Variants in CERKL observed in about 807,000 individuals in gnomAD.
CERKL encodes CERK like autophagy regulator.
A neutral mutation model predicts 63.4 loss-of-function variants in CERKL; 61 were observed. That is an observed-to-expected ratio of 0.96 (90% CI 0.78 to 1.19). The LOEUF (loss-of-function observed/expected upper bound fraction) is 1.19. Ranked by LOEUF, CERKL falls within the 50% of genes most tolerant of loss-of-function variation. The probability of loss-of-function intolerance (pLI) is 0.00; values close to 1 mark genes in which losing one functional copy is unlikely to be tolerated. For synonymous variants in CERKL, 250 were observed against 230.5 expected, an observed-to-expected ratio of 1.08 and a Z score of -0.77; for missense variants, 675 against 655.5, an observed-to-expected ratio of 1.03 and a Z score of -0.33.
At chr2:181,640,362 C>G (rs1687365713) in intron 1 of CERKL, among the ~76,000 whole-genome samples, 1 of 152,170 alleles carries the variant, frequency 6.6e-6, no homozygotes, top group African/African-American at 2.4e-5. Context: ...TCAAAACTCA[C>G]CTGCTCAGCA....
At chr2:181,557,886 C>A (rs1230803131) in intron 5 of CERKL, among the ~76,000 whole-genome samples, 2 of 152,140 alleles carry the variant, frequency 1.3e-5, no homozygotes, top group African/African-American at 4.8e-5. Flanking sequence ...CTCACCTTTT[C>A]AGGCCAGCTC....
rs373597465 is a variant in CERKL, at chr2:181,547,819, C to G, written c.1159+3G>C. The stretch of plus-strand genomic sequence containing the variant: ...GTTCTCAAGGAGATACTTTTCGACT[C>G]ACCAGATTTGGGAGATCCCTGTGCC... On this transcript the variant is annotated splice_donor_region_variant and intron_variant, in intron 9 of 12. Transcript: ENST00000410087. 4 of 1,613,890 alleles carry G rather than the reference C, an allele frequency of 2.5e-6. No homozygotes were observed. Among genetic ancestry groups the G allele is most frequent in the South Asian group, 1.1e-5 (1 of 91,090 alleles).
intron 1 of CERKL, among the ~76,000 whole-genome samples, chr2:181,629,834 C>T (rs1159563507): frequency 6.6e-6 from 1 of 151,862 alleles, no homozygotes; most frequent in Non-Finnish European, 1.5e-5. Context: ...GTTGAGAAAA[C>T]CTACTTAAAA....
intron 1 of CERKL, among the ~76,000 whole-genome samples, chr2:181,642,423 ATTG>A (rs1381951301): frequency 1.3e-5 from 2 of 152,210 alleles, no homozygotes; most frequent in East Asian, 1.9e-4. Context: ...TTGTTTTGAA[ATTG>A]TTTTTTCTCA....
At chr2:181,555,850 T>G (rs1312333112) in intron 5 of CERKL, among the ~76,000 whole-genome samples, 1 of 151,506 alleles carries the variant, frequency 6.6e-6, no homozygotes, top group African/African-American at 2.4e-5. Flanking sequence ...CCTCCCAGGT[T>G]CAAGTTATTC....
At chr2:181,621,679 G>C (rs1686459646) in intron 1 of CERKL, among the ~76,000 whole-genome samples, 1 of 152,082 alleles carries the variant, frequency 6.6e-6, no homozygotes, top group African/African-American at 2.4e-5. Context: ...AGTTGAGAAA[G>C]TATTACCTGA....
At chr2:181,548,651 A>G in intron 7 of CERKL, 29 bp downstream of exon 7, 1 of 1,613,026 alleles carries the variant, frequency 6.2e-7, no homozygotes, top group Non-Finnish European at 8.5e-7. Context: ...AACCTGGGAT[A>G]CAATTTTTGG....
At chr2:181,582,521 A>G (rs1210396181) in intron 2 of CERKL, among the ~76,000 whole-genome samples, 2 of 93,064 alleles carry the variant, frequency 2.1e-5, no homozygotes, top group African/African-American at 1.1e-4. Context: ...GTCAACATAT[A>G]TATATATATA....
At chr2:181,587,223 G>C (rs182870839) in intron 2 of CERKL, among the ~76,000 whole-genome samples, 5 of 152,204 alleles carry the variant, frequency 3.3e-5, no homozygotes, top group East Asian at 1.9e-4. Context: ...TTTTAATGCC[G>C]TAAGTCAAAG....
At chr2:181,605,996 A>C (rs1442755362) in intron 1 of CERKL, among the ~76,000 whole-genome samples, 1 of 151,758 alleles carries the variant, frequency 6.6e-6, no homozygotes, top group African/African-American at 2.4e-5. Context: ...CAAAGTATAC[A>C]TACCACTAAA....
intron 3 of CERKL, 32 bp downstream of exon 3, chr2:181,573,721 G>A: frequency 6.3e-7 from 1 of 1,596,614 alleles, no homozygotes; most frequent in Non-Finnish European, 8.6e-7. Context: ...TGTTTTTGTA[G>A]ATGGTGAAAT....
Position 181,538,103 on chromosome 2 carries a change from G to A in CERKL, c.*81C>T, listed in dbSNP as rs569746967. The A allele has an allele frequency of 7.1e-5, 67 of 949,376 alleles. No homozygotes were observed. Among genetic ancestry groups the A allele is most frequent in the Non-Finnish European group, 1.0e-4 (61 of 585,846 alleles). The allele number at this position is 949,376 out of a possible 1,614,324, so 58.8% of individuals were successfully genotyped here. On this transcript the variant is annotated 3_prime_UTR_variant, in exon 13 of 13. Transcript: ENST00000410087. ...CATGAAACTGGTCCCAAAAAGGGTG[G>A]GGACCACAGGTTTAAAGCATGGCCA...
chr2:181,651,354 G>T (rs1479011324), intron 1 of CERKL, among the ~76,000 whole-genome samples: 1 of 152,104 alleles, frequency 6.6e-6, no homozygotes, highest in African/African-American at 2.4e-5. Flanking sequence ...TGGGATCAGA[G>T]GCATGCAAGA....
intron 1 of CERKL, among the ~76,000 whole-genome samples, chr2:181,620,931 A>G (rs3863936): frequency 0.99 from 151,281 of 152,340 alleles, 75,130 homozygotes; most frequent in Middle Eastern, 1. Flanking sequence ...AGACTTACTG[A>G]AGACAAAGGG....
intron 5 of CERKL, among the ~76,000 whole-genome samples, chr2:181,555,733 G>A (rs1688174182): frequency 6.6e-6 from 1 of 151,044 alleles, no homozygotes; most frequent in African/African-American, 2.4e-5. Flanking sequence ...ATGGCCCTAT[G>A]GGGATGGACA....
chr2:181,547,238 G>A (rs1687769441), intron 10 of CERKL, among the ~76,000 whole-genome samples: 1 of 152,134 alleles, frequency 6.6e-6, no homozygotes, highest in Non-Finnish European at 1.5e-5. Flanking sequence ...ATATACATAT[G>A]TGTGATTTTC....
At chr2:181,649,330 G>A (rs1008025045) in intron 1 of CERKL, among the ~76,000 whole-genome samples, 5 of 151,944 alleles carry the variant, frequency 3.3e-5, no homozygotes, top group African/African-American at 9.7e-5. Flanking sequence ...TATGATAAAG[G>A]GATCAATTCA....
intron 5 of CERKL, among the ~76,000 whole-genome samples, chr2:181,557,862 G>A (rs1688278335): frequency 6.6e-6 from 1 of 152,080 alleles, no homozygotes; most frequent in Non-Finnish European, 1.5e-5. Flanking sequence ...TTGCAGCCAA[G>A]AAAATAACTC....
rs545974356 is a variant in CERKL at position 181,544,017 on chromosome 2, G to A, written c.1365+683C>T. On this transcript the variant is annotated intron_variant, in intron 11 of 12. Coordinates refer to ENST00000410087, the MANE Select transcript of CERKL (RefSeq NM_201548.5). ...AAAAAAAAAGAAAGAAAAAGAAAAA[G>A]TGTGAAACTATAGGGTTTTACAACC... Among the ~76,000 whole-genome samples, 5 of 145,926 alleles carry A rather than the reference G, an allele frequency of 3.4e-5. No individual in the cohort carries two copies. In the South Asian group the frequency reaches 1.1e-3, roughly 32 times the overall value.
Sources: allele counts gnomAD v4.1 joint callset (sites outside exome capture counted in the v4.1 genomes callset), GRCh38; gene constraint gnomAD v4.1.1; transcripts MANE v1.5; gene names NCBI Gene and HGNC (gene_info 2026-07-23, HGNC 2026-07-21).